Variants in FCHSD2 observed in about 807,000 individuals in gnomAD.
The protein encoded by FCHSD2 is F-BAR and double SH3 domains protein 2.
FCHSD2 carries 38 observed loss-of-function variants against 108.1 expected under a neutral mutation model. The ratio of observed to expected loss-of-function variants is 0.35; its 90% CI spans 0.27 to 0.46. The LOEUF (loss-of-function observed/expected upper bound fraction) is 0.46, where lower values mean the gene tolerates loss of function less well. Among genes scored for constraint, FCHSD2 ranks in the 20% least tolerant of loss-of-function variants. The probability of loss-of-function intolerance (pLI) is 1.00; values close to 1 mark genes in which losing one functional copy is unlikely to be tolerated. For synonymous variants in FCHSD2, 279 were observed against 314.7 expected (o/e 0.89, Z 1.20); for missense variants, 751 against 897.8 (o/e 0.84, Z 2.09).
intron 8 of FCHSD2, among the ~76,000 whole-genome samples, chr11:72,957,565 T>C (rs1015979948): frequency 1.3e-5 from 2 of 150,874 alleles, no homozygotes; most frequent in African/African-American, 4.9e-5. Flanking sequence ...TAATAAATGA[T>C]CCTGGATTGG....
chr11:72,859,249 G>A (rs1861509304), intron 13 of FCHSD2, among the ~76,000 whole-genome samples: 1 of 152,196 alleles, frequency 6.6e-6, no homozygotes, highest in Non-Finnish European at 1.5e-5. Context: ...ATTCTGAGTA[G>A]CCTGATGACA....
chr11:73,105,491 G>A (rs1860321866), intron 2 of FCHSD2, among the ~76,000 whole-genome samples: 1 of 152,062 alleles, frequency 6.6e-6, no homozygotes, highest in African/African-American at 2.4e-5. Context: ...AAGTGAAAAG[G>A]GAATAGAGAA....
intron 13 of FCHSD2, among the ~76,000 whole-genome samples, chr11:72,854,148 C>T (rs1167635075): frequency 6.6e-6 from 1 of 152,148 alleles, no homozygotes. Context: ...AATGGTACAG[C>T]TGCTATGGAA....
At chr11:72,988,905 A>G in intron 6 of FCHSD2, 59 bp downstream of exon 6, 2 of 1,453,594 alleles carry the variant, frequency 1.4e-6, no homozygotes, top group South Asian at 2.6e-5. Flanking sequence ...AGAACAAACT[A>G]TTAGCAACAA....
In FCHSD2 at chr11:72,917,340, G is replaced by T. The variant is rs530425832; in HGVS notation, c.828+4488C>A. Among the ~76,000 whole-genome samples, 15 of 152,198 alleles carry T rather than the reference G, an allele frequency of 9.9e-5. No homozygotes were observed. In the South Asian group the frequency reaches 3.1e-3, roughly 32 times the overall value. On this transcript the variant is annotated intron_variant, in intron 9 of 19. Coordinates refer to ENST00000409418, the MANE Select transcript of FCHSD2 (RefSeq NM_014824.3). ...CTGTCCCAAAACCTTTTTCTGAAGA[G>T]AATATTCTTTCTCTATTGAATAGTC... is the stretch of plus-strand genomic sequence containing the variant.
At chr11:72,983,837 CA>C (rs1857261714) in intron 8 of FCHSD2, 2 of 568,908 alleles carry the variant, frequency 3.5e-6, no homozygotes, top group Non-Finnish European at 6.6e-6. Context: ...CACTAGATAA[CA>C]AATGTTTGCC....
At chr11:72,912,862 T>C (rs1284353695) in intron 9 of FCHSD2, among the ~76,000 whole-genome samples, 1 of 152,208 alleles carries the variant, frequency 6.6e-6, no homozygotes, top group Non-Finnish European at 1.5e-5. Context: ...GTAGGTGTAT[T>C]AGTCCATTCT....
At chr11:73,115,541 G>C (rs1179478408) in intron 2 of FCHSD2, among the ~76,000 whole-genome samples, 7 of 152,162 alleles carry the variant, frequency 4.6e-5, no homozygotes, top group Admixed American at 3.3e-4. Context: ...TCTGGCACTG[G>C]AGGGTGCATG....
chr11:72,872,581 A>G (rs2135215557), intron 12 of FCHSD2, among the ~76,000 whole-genome samples: 1 of 152,308 alleles, frequency 6.6e-6, no homozygotes. Context: ...CTCACTTTGC[A>G]TAATATTTTC....
In FCHSD2 at chr11:72,984,078, G is replaced by C. The variant is rs1408060362; in HGVS notation, c.705+10C>G. 2 of 1,604,232 alleles carry C rather than the reference G, an allele frequency of 1.2e-6. No individual in the cohort carries two copies. The highest frequency in any genetic ancestry group is 1.1e-5 in the South Asian group (1 of 90,020). ...AAGTAAAATTACCATAGATATGAAA[G>C]CTGTATTACCTTCATAATGTTAACT... On this transcript the variant is annotated intron_variant, in intron 8 of 19. Coordinates refer to ENST00000409418, the MANE Select transcript of FCHSD2 (RefSeq NM_014824.3).
chr11:73,107,976 T>G (rs1000351174), intron 2 of FCHSD2, among the ~76,000 whole-genome samples: 1 of 152,254 alleles, frequency 6.6e-6, no homozygotes, highest in African/African-American at 2.4e-5. Flanking sequence ...TCTTTAGTTT[T>G]CTGAGTGAAC....
intron 9 of FCHSD2, among the ~76,000 whole-genome samples, chr11:72,914,963 A>ATT (rs144998272): frequency 0.44 from 52,547 of 120,370 alleles, 12,987 homozygotes; most frequent in East Asian, 0.75. Context: ...CAGAATGGGA[A>ATT]TTTTTTTTTT....
At chr11:73,054,331 G>T (rs1478167142) in intron 3 of FCHSD2, among the ~76,000 whole-genome samples, 1 of 151,884 alleles carries the variant, frequency 6.6e-6, no homozygotes, top group African/African-American at 2.4e-5. Context: ...AGACAGGACT[G>T]CCCAGACCCT....
chr11:72,845,464 A>G (rs1861106459), intron 14 of FCHSD2, among the ~76,000 whole-genome samples: 1 of 140,072 alleles, frequency 7.1e-6, no homozygotes, highest in Non-Finnish European at 1.6e-5. Context: ...AAAAAAAACA[A>G]CAACAAACAA....
intron 8 of FCHSD2, among the ~76,000 whole-genome samples, chr11:72,931,622 G>A (rs956546609): frequency 2.0e-5 from 3 of 151,498 alleles, no homozygotes; most frequent in African/African-American, 4.8e-5. Flanking sequence ...AAAATTAGCC[G>A]GGCGCAGTGG....
rs1464009403 is a variant in FCHSD2, at chr11:73,141,980, T to G, written c.-103A>C. On this transcript the variant is annotated 5_prime_UTR_variant, in exon 1 of 20. Transcript: ENST00000409418. ...GGACGGCCCAGCGAGCGCGCGCGTGTGTGAAAGGAGCGCTTAAGAAGCAAG... is the reference window on the plus strand; with the variant it reads ...GGACGGCCCAGCGAGCGCGCGCGTGGGTGAAAGGAGCGCTTAAGAAGCAAG... 2.5e-6 allele frequency: 3 copies of G among 1,203,518 alleles called. No homozygotes were observed. Among genetic ancestry groups the G allele is most frequent in the Non-Finnish European group, 3.5e-6 (3 of 862,246 alleles). 74.6% of individuals were successfully genotyped at this position (1,203,518 alleles called of 1,614,324 possible). A position where few individuals can be genotyped will look rare whatever the true frequency, so the allele number is the denominator to read the frequency against.
intron 3 of FCHSD2, among the ~76,000 whole-genome samples, chr11:73,017,938 G>GA (rs1335944985): frequency 6.6e-6 from 1 of 151,958 alleles, no homozygotes. Context: ...ATTCTATAAA[G>GA]AATTATCCCT....
At chr11:72,949,754 A>G (rs1418753542) in intron 8 of FCHSD2, among the ~76,000 whole-genome samples, 1 of 152,206 alleles carries the variant, frequency 6.6e-6, no homozygotes, top group Admixed American at 6.5e-5. Flanking sequence ...GGTTTACCAC[A>G]TCTTGTTTAT....
At chr11:73,106,514 G>A (rs1860348689) in intron 2 of FCHSD2, among the ~76,000 whole-genome samples, 1 of 151,970 alleles carries the variant, frequency 6.6e-6, no homozygotes. Flanking sequence ...AACTGTTACA[G>A]GAAGTGAAAG....
Sources: allele counts gnomAD v4.1 joint callset (sites outside exome capture counted in the v4.1 genomes callset), GRCh38; gene constraint gnomAD v4.1.1; transcripts MANE v1.5; gene names NCBI Gene and HGNC (gene_info 2026-07-23, HGNC 2026-07-21).